DNAH14: variants seen among roughly 807,000 people sequenced by gnomAD.
DNAH14 encodes dynein axonemal heavy chain 14.
In DNAH14, 478 loss-of-function variants were observed where a neutral mutation model predicts 520.9. The observed-to-expected ratio is 0.92, with a 90% CI of 0.85 to 0.99. The LOEUF (loss-of-function observed/expected upper bound fraction) is 0.99, where lower values mean the gene tolerates loss of function less well. Among genes scored for constraint, DNAH14 ranks in the 50% least tolerant of loss-of-function variants. DNAH14 has a pLI of 0.00. For synonymous variants in DNAH14, 1,581 were observed against 1,757.2 expected (o/e 0.90, Z 2.51); for missense variants, 4,831 against 5,234.5 (o/e 0.92, Z 2.38).
Position 225,144,520 on chromosome 1 carries a change from A to G in DNAH14, c.4632A>G (p.Thr1544=). The G allele has an allele frequency of 6.4e-7, 1 of 1,551,532 alleles. No individual in the cohort carries two copies. Among genetic ancestry groups the G allele is most frequent in the Non-Finnish European group, 8.7e-7 (1 of 1,146,986 alleles). ...CTSRLVITPL[T]DRCWLTLMEA... ...CAAGATTGGTTATTACGCCTCTCACAGACCGATGCTGGCTGACTCTCATGG... is the reference window on the plus strand; with the variant it reads ...CAAGATTGGTTATTACGCCTCTCACGGACCGATGCTGGCTGACTCTCATGG... Residue 1544 remains threonine (T), a synonymous_variant, in exon 29 of 86, where the codon ACA becomes ACG. Transcript: ENST00000682510.
intron 38 of DNAH14, among the ~76,000 whole-genome samples, chr1:225,201,941 T>G (rs1350651880): frequency 7.0e-6 from 1 of 142,770 alleles, no homozygotes; most frequent in Non-Finnish European, 1.5e-5. Context: ...AATGGTGCAA[T>G]CTCAGCTCAC....
intron 36 of DNAH14, among the ~76,000 whole-genome samples, chr1:225,184,769 A>G (rs1203172956): frequency 4.6e-5 from 7 of 151,692 alleles, no homozygotes; most frequent in East Asian, 1.9e-4. Flanking sequence ...GAGAGAGAGA[A>G]AGAAAGAAAG....
chr1:225,352,088 ATTAGAAATC>A (rs56295347), intron 72 of DNAH14, among the ~76,000 whole-genome samples: 28,076 of 152,018 alleles, frequency 0.18, 2,936 homozygotes, highest in East Asian at 0.35. Flanking sequence ...AGAAAATCTG[ATTAGAAATC>A]AGAATTTCAG....
At chr1:225,335,544 C>CATATGTACATCTAT (rs770315671) in intron 66 of DNAH14, among the ~76,000 whole-genome samples, 11 of 75,760 alleles carry the variant, frequency 1.5e-4, no homozygotes, top group African/African-American at 6.9e-4. Context: ...TACATATATA[C>CATATGTACATCTAT]GTATATACAT....
At position 225,142,932 on chromosome 1, in the gene DNAH14, ATAAAT is replaced by A. The variant is rs530581007; in HGVS notation, c.4509-1461_4509-1457del. Among the ~76,000 whole-genome samples the A allele has an allele frequency of 5.9e-5, 9 of 152,252 alleles. No homozygotes were observed. In the South Asian group the frequency reaches 8.3e-4, roughly 14 times the overall value. On this transcript the variant is annotated intron_variant, in intron 28 of 85. Transcript: ENST00000682510. ...CAGAGCAAGACTCCATCTCAAATAA[ATAAAT>A]TAATTTAATTTTTTAAAAAAATTAA...
intron 23 of DNAH14, among the ~76,000 whole-genome samples, chr1:225,105,174 T>G (rs1416709339): frequency 2.0e-5 from 3 of 152,294 alleles, no homozygotes; most frequent in African/African-American, 2.4e-5. Context: ...AGGTTGTTCC[T>G]TTTCCATGTG....
chr1:225,091,738 C>A (rs998908586), intron 21 of DNAH14, among the ~76,000 whole-genome samples: 2 of 152,010 alleles, frequency 1.3e-5, no homozygotes. Flanking sequence ...TCACTACTAA[C>A]CTTGAATGTA....
rs913264594 is a variant in DNAH14 at position 225,378,441 on chromosome 1, AAAGT to A, written c.12716+1009_12716+1012del. Among the ~76,000 whole-genome samples the A allele has an allele frequency of 4.6e-5, 7 of 152,342 alleles. No homozygotes were observed. In the South Asian group the frequency reaches 6.2e-4, roughly 14 times the overall value. On this transcript the variant is annotated intron_variant, in intron 79 of 85. Transcript: ENST00000682510. ...TTTACAGTCAAAACAGTGTGATGAC[AAAGT>A]AAGGAGCCATGTGACCTCAGGCGAT...
intron 44 of DNAH14, among the ~76,000 whole-genome samples, chr1:225,253,566 T>C (rs1361546604): frequency 1.3e-5 from 2 of 152,142 alleles, no homozygotes; most frequent in African/African-American, 4.8e-5. Flanking sequence ...TCTCCTTTTA[T>C]GGTTGAGTAG....
chr1:225,162,781 A>C (rs773463473), intron 35 of DNAH14, among the ~76,000 whole-genome samples: 9 of 152,058 alleles, frequency 5.9e-5, no homozygotes, highest in Non-Finnish European at 8.8e-5. Flanking sequence ...TTTTATGTGT[A>C]GCTACTATAA....
intron 17 of DNAH14, among the ~76,000 whole-genome samples, chr1:225,054,314 G>A (rs2068831882): frequency 6.6e-6 from 1 of 152,084 alleles, no homozygotes; most frequent in African/African-American, 2.4e-5. Flanking sequence ...ATGGGGACTT[G>A]ATATTTAAAT....
chr1:225,374,861 T>C lies in DNAH14; in HGVS notation c.12492T>C (p.Asp4164=), dbSNP rs1327644169. The change falls in exon 78 of 86, where the codon GAT becomes GAC. Residue 4164 remains aspartate (D), a synonymous_variant. Transcript: ENST00000682510. ...TTTGTAATCCTGAAGTGCTGAAAGA[T>C]GACTTCAGTTTCTCCAGTGATGGGG... ...YKFCNPEVLK[D]DFSFSSDGIC... is the part of the protein sequence containing the mutation. 6.5e-7 allele frequency: 1 copy of C among 1,550,364 alleles called. No homozygotes were observed. Among genetic ancestry groups the C allele is most frequent in the Non-Finnish European group, 8.7e-7 (1 of 1,146,176 alleles).
chr1:225,204,183 G>A lies in DNAH14; in HGVS notation c.5887G>A (p.Val1963Ile), dbSNP rs2087232641. ...LKSRISDLSN[V>I]FKLDSSDTTE... ...AAACATTATTGATTACATATTTTAG[G>A]TTTTCAAACTTGATTCCTCTGATAC... Residue 1963 changes from valine (V) to isoleucine (I), a missense_variant and splice_region_variant, in exon 39 of 86, where the codon GTT becomes ATT. Transcript: ENST00000682510. The A allele has an allele frequency of 2.8e-6, 4 of 1,434,944 alleles. No homozygotes were observed. Among genetic ancestry groups the A allele is most frequent in the Non-Finnish European group, 3.7e-6 (4 of 1,092,020 alleles). The allele number at this position is 1,434,944 out of a possible 1,614,324, so 88.9% of individuals were successfully genotyped here. A position where few individuals can be genotyped will look rare whatever the true frequency, so the allele number is the denominator to read the frequency against.
chr1:225,377,306 G>T lies in DNAH14; in HGVS notation c.12586G>T (p.Asp4196Tyr), dbSNP rs190428375. Reference protein sequence around the residue: ...YIHIIQSLPDDDLPEVLGIHP... With the variant: ...YIHIIQSLPDYDLPEVLGIHP... ...ACACATTATCCAGTCCTTACCTGAT[G>T]ATGACCTTCCCGAGGTCTTAGGAAT... Residue 4196 changes from aspartate to tyrosine, a missense_variant, in exon 79 of 86, where the codon GAT becomes TAT. Transcript: ENST00000682510. 3 of 1,550,288 alleles carry T rather than the reference G, an allele frequency of 1.9e-6. No individual in the cohort carries two copies. The highest frequency in any genetic ancestry group is 2.4e-5 in the East Asian group (1 of 40,840).
intron 17 of DNAH14, among the ~76,000 whole-genome samples, chr1:225,077,151 A>T (rs953074869): frequency 6.6e-6 from 1 of 152,224 alleles, no homozygotes; most frequent in African/African-American, 2.4e-5. Context: ...TCAAATGCTT[A>T]TTCATTACAT....
At chr1:225,167,917 T>G in intron 35 of DNAH14, 22 bp from the exon 36 acceptor site, 4 of 1,347,138 alleles carry the variant, frequency 3.0e-6, no homozygotes, top group Non-Finnish European at 4.0e-6. Flanking sequence ...CATTTTAAAT[T>G]TATGTATTTA....
rs149616432 is a variant in DNAH14 at position 224,989,329 on chromosome 1, A to T, written c.831-13454A>T. ...ATGTCTATTTCATTTTATTATGAGT[A>T]ATTATAAATGGGATTGAGTATTTAA... On this transcript the variant is annotated intron_variant, in intron 8 of 85. Transcript: ENST00000682510. 2.9e-3 allele frequency among the ~76,000 whole-genome samples: 439 copies of T among 152,350 alleles called. 2 individuals are homozygous for T. Among genetic ancestry groups the T allele is most frequent in the Admixed American group, 5.9e-3 (91 of 15,296 alleles).
chr1:225,259,051 T>C (rs1193021808), intron 45 of DNAH14, 70 bp from the exon 46 acceptor site: 4 of 1,391,118 alleles, frequency 2.9e-6, no homozygotes, highest in East Asian at 5.9e-5. Context: ...ATGTTATTGG[T>C]TCATTTTAAT....
intron 38 of DNAH14, among the ~76,000 whole-genome samples, chr1:225,193,653 C>G (rs1278223105): frequency 6.6e-6 from 1 of 152,062 alleles, no homozygotes; most frequent in East Asian, 1.9e-4. Context: ...ACAAGGATGC[C>G]CACTATCACT....
Sources: allele counts gnomAD v4.1 joint callset (sites outside exome capture counted in the v4.1 genomes callset), GRCh38; gene constraint gnomAD v4.1.1; transcripts MANE v1.5; gene names NCBI Gene and HGNC (gene_info 2026-07-23, HGNC 2026-07-21).